TCHP: variants seen among roughly 807,000 people sequenced by gnomAD.
The protein encoded by TCHP is trichoplein keratin filament-binding protein.
A neutral mutation model predicts 88.7 loss-of-function variants in TCHP; 81 were observed. The observed-to-expected ratio is 0.91, with a 90% confidence interval of 0.76 to 1.10. The LOEUF is 1.10. Ranked by LOEUF, TCHP falls within the 50% of genes least tolerant of loss-of-function variation. The pLI is 0.00. For synonymous variants in TCHP, 232 were observed against 232.5 expected, an observed-to-expected ratio of 1.00 and a Z score of 0.02; for missense variants, 641 against 632.1, an observed-to-expected ratio of 1.01 and a Z score of -0.15.
Position 109,911,091 on chromosome 12 carries a change from T to G in TCHP, c.908T>G (p.Leu303Arg). Residue 303 changes from leucine to arginine, a missense_variant, in exon 9 of 13, where the codon CTC becomes CGC. Leu to Arg is a moderately radical substitution (Grantham distance 102). Coordinates refer to ENST00000405876, the MANE Select transcript of TCHP (RefSeq NM_001143852.2). ...LEADRRILQA[L>R]LEKEDESQRL... is the part of the protein sequence containing the mutation. ...GCAGACAGGCGGATCCTGCAGGCCC[T>G]CCTCGAGAAGGAGGACGAGAGCCAG... 6.3e-7 allele frequency: 1 copy of G among 1,594,632 alleles called. No individual in the cohort carries two copies. Among genetic ancestry groups the G allele is most frequent in the Non-Finnish European group, 8.5e-7 (1 of 1,171,476 alleles).
Position 109,914,618 on chromosome 12 carries a change from G to A in TCHP, c.1311G>A (p.Leu437=), listed in dbSNP as rs1300236170. The part of the protein sequence containing the change: ...EKLKSARKQE[L]EAQVAERRLQ... ...TGAAATCGGCCAGGAAGCAGGAGCT[G>A]GAAGCCCAGGTAGGGCTGAGCCCAA... Residue 437 remains leucine, a synonymous_variant, in exon 11 of 13, where the codon CTG becomes CTA. Coordinates refer to ENST00000405876, the MANE Select transcript of TCHP (RefSeq NM_001143852.2). 6.2e-7 allele frequency: 1 copy of A among 1,610,932 alleles called. No individual in the cohort carries two copies. The highest frequency in any genetic ancestry group is 2.2e-5 in the East Asian group (1 of 44,850).
At chr12:109,906,501 A>T in intron 4 of TCHP, 71 bp from the exon 5 acceptor site, 2 of 1,464,386 alleles carry the variant, frequency 1.4e-6, no homozygotes, top group Non-Finnish European at 1.9e-6. Context: ...CACAGAGGGC[A>T]GGAGCACACT....
At chr12:109,896,938 A>T (rs1869575595), upstream of TCHP, among the ~76,000 whole-genome samples, 1 of 152,048 alleles carries the variant, frequency 6.6e-6, no homozygotes, top group Non-Finnish European at 1.5e-5. Context: ...ATAGATAGAT[A>T]TAGATATATA....
the TCHP span, among the ~76,000 whole-genome samples, chr12:109,885,627 G>A: frequency 3.9e-5 from 6 of 151,982 alleles, no homozygotes; most frequent in East Asian, 1.9e-4. Flanking sequence ...GACTACAGGC[G>A]CTCACCATCA....
intron 7 of TCHP, 74 bp from the exon 8 acceptor site, chr12:109,908,797 G>T: frequency 6.4e-7 from 1 of 1,570,614 alleles, no homozygotes; most frequent in South Asian, 1.1e-5. Flanking sequence ...GAGACAGCCT[G>T]GTCAGCAGTT....
chr12:109,912,932 A>T, intron 9 of TCHP, 59 bp from the exon 10 acceptor site: 1 of 1,471,192 alleles, frequency 6.8e-7, no homozygotes, highest in African/African-American at 1.4e-5. Context: ...TCTGTTCCGT[A>T]GCTCGCTTCC....
At position 109,903,279 on chromosome 12, in the gene TCHP, C is replaced by G; in HGVS notation, c.188+65C>G. The stretch of plus-strand genomic sequence containing the variant: ...CCACTTGCTGGTCAGGGGATGAGGC[C>G]TTAAGGATTTAGGGAGCGTAGGATT... On this transcript the variant is annotated intron_variant, in intron 2 of 12. Transcript: ENST00000405876. The surrounding 1 kb of genome is among the most constrained non-coding windows in gnomAD (Gnocchi z 4.6). 1.3e-6 allele frequency: 2 copies of G among 1,497,734 alleles called. No individual in the cohort carries two copies. Among genetic ancestry groups the G allele is most frequent in the Non-Finnish European group, 1.8e-6 (2 of 1,092,568 alleles). 92.8% of individuals were successfully genotyped at this position (1,497,734 alleles called of 1,614,324 possible).
the TCHP span, chr12:109,888,291 C>T: frequency 6.6e-6 from 1 of 152,220 alleles, no homozygotes; most frequent in South Asian, 2.1e-4. Context: ...TCAGTTTCTC[C>T]CCTTAGCTTC....
the TCHP span, among the ~76,000 whole-genome samples, chr12:109,889,357 C>T: frequency 7.0e-3 from 1,068 of 151,990 alleles, 10 homozygotes; most frequent in African/African-American, 0.025. Flanking sequence ...CCTGTAGTCC[C>T]AGCTGCTCAG....
In TCHP at chr12:109,907,718, C is replaced by T; in HGVS notation, c.699+19C>T. ...GGTGGAGGTGGGCACAAGCCCCTCT[C>T]AGCCGTGACCTCCTCCACAGCTGCT... On this transcript the variant is annotated intron_variant, in intron 6 of 12. Coordinates refer to ENST00000405876, the MANE Select transcript of TCHP (RefSeq NM_001143852.2). The T allele has an allele frequency of 1.3e-6, 2 of 1,575,784 alleles. No homozygotes were observed. The highest frequency in any genetic ancestry group is 1.7e-6 in the Non-Finnish European group (2 of 1,161,500).
the TCHP span, among the ~76,000 whole-genome samples, chr12:109,891,337 T>C: frequency 3.9e-5 from 6 of 152,112 alleles, no homozygotes; most frequent in Admixed American, 2.6e-4. Flanking sequence ...AAATGTGCTA[T>C]GGTCAGTTCT....
chr12:109,907,700 G>A lies in TCHP; in HGVS notation c.699+1G>A, dbSNP rs762847059. 2.5e-6 allele frequency: 4 copies of A among 1,590,134 alleles called. No homozygotes were observed. Among genetic ancestry groups the A allele is most frequent in the Middle Eastern group, 2.1e-4 (1 of 4,732 alleles). On this transcript the variant is annotated splice_donor_variant, in intron 6 of 12. Transcript: ENST00000405876. LOFTEE classifies it high-confidence loss of function. ...GGAGCTGAAGCTGAAGGAGGTGGAG[G>A]TGGGCACAAGCCCCTCTCAGCCGTG...
chr12:109,909,262 T>G (rs1240436571), intron 8 of TCHP, among the ~76,000 whole-genome samples: 1 of 152,196 alleles, frequency 6.6e-6, no homozygotes, highest in African/African-American at 2.4e-5. Flanking sequence ...AGTGTCTGTG[T>G]GTATACATAG....
In TCHP at chr12:109,905,428, A is replaced by G. The variant is rs772194841; in HGVS notation, c.456+635A>G. ...TCCAAAGGGGCTGGGGGCAGCATAC[A>G]GGATCCCAGCTGCATTTCAGAGAGA... is the stretch of plus-strand genomic sequence containing the variant. On this transcript the variant is annotated intron_variant, in intron 4 of 12. Coordinates refer to ENST00000405876, the MANE Select transcript of TCHP (RefSeq NM_001143852.2). The surrounding 1 kb of genome is among the most constrained non-coding windows in gnomAD (Gnocchi z 4.0). Among the ~76,000 whole-genome samples, 3 of 152,152 alleles carry G rather than the reference A, an allele frequency of 2.0e-5. No individual in the cohort carries two copies. Among genetic ancestry groups the G allele is most frequent in the Non-Finnish European group, 4.4e-5 (3 of 68,034 alleles).
rs1870839243 is a variant in TCHP, at chr12:109,916,719, C to T, written c.*96C>T. ...ACAGGGCTCTGTTAACAGTAAGTGC[C>T]CGGGGCACTGTCAGATGGCTCAGCA... On this transcript the variant is annotated 3_prime_UTR_variant, in exon 13 of 13. Coordinates refer to ENST00000405876, the MANE Select transcript of TCHP (RefSeq NM_001143852.2). 2.5e-6 allele frequency: 3 copies of T among 1,223,954 alleles called. No individual in the cohort carries two copies. Among genetic ancestry groups the T allele is most frequent in the East Asian group, 2.4e-5 (1 of 41,534 alleles). The allele number at this position is 1,223,954 out of a possible 1,614,324, so 75.8% of individuals were successfully genotyped here.
chr12:109,915,070 C>A, intron 11 of TCHP: 2 of 469,546 alleles, frequency 4.3e-6, no homozygotes, highest in Non-Finnish European at 3.9e-6. Flanking sequence ...AGGTACATGC[C>A]ATGCATACAG....
Position 109,907,583 on chromosome 12 carries a change from C to G in TCHP, c.583C>G (p.Arg195Gly), listed in dbSNP as rs757308819. 2 of 1,614,080 alleles carry G rather than the reference C, an allele frequency of 1.2e-6. No individual in the cohort carries two copies. The highest frequency in any genetic ancestry group is 1.7e-6 in the Non-Finnish European group (2 of 1,180,012). ...KRYENEYERA[R>G]REALERMKAE... ...GTATGAAAATGAATATGAAAGGGCC[C>G]GAAGGGAGGCGCTAGAAAGGATGAA... The change falls in exon 6 of 13, where the codon CGA (arginine) becomes GGA (glycine). Residue 195 changes from arginine (R) to glycine (G), a missense_variant. Coordinates refer to ENST00000405876, the MANE Select transcript of TCHP (RefSeq NM_001143852.2).
At chr12:109,882,569 G>A in the TCHP span, among the ~76,000 whole-genome samples, 3 of 151,784 alleles carry the variant, frequency 2.0e-5, no homozygotes, top group Non-Finnish European at 4.4e-5. Context: ...GAGTGAGTAG[G>A]GTGATAGGAG....
rs778239794 is a variant in TCHP at position 109,913,061 on chromosome 12, C to G, written c.1123C>G (p.Leu375Val). Residue 375 changes from leucine to valine, a missense_variant, in exon 10 of 13, where the codon CTG becomes GTG. Transcript: ENST00000405876. ...WARERSARDR[L>V]MSEVLTGRQQ... The stretch of plus-strand genomic sequence containing the variant: ...CCGAGAGCGCAGCGCACGGGACAGA[C>G]TGATGAGCGAGGTAATCCCAGCTGC... 1 of 1,613,856 alleles carries G rather than the reference C, an allele frequency of 6.2e-7. No homozygotes were observed. The highest frequency in any genetic ancestry group is 1.7e-5 in the Admixed American group (1 of 60,004).
Sources: gnomAD v4.1 joint callset for allele counts (sites outside exome capture counted in the v4.1 genomes callset) on GRCh38, gnomAD v4.1.1 for gene constraint, Gnocchi (gnomAD v3.1) non-coding constraint, MANE v1.5 for transcripts, NCBI Gene and HGNC (gene_info 2026-07-23, HGNC 2026-07-21) for gene names.